CFAP20DC: variants seen among roughly 807,000 people sequenced by gnomAD.
CFAP20DC encodes the protein protein CFAP20DC.
A neutral mutation model predicts 101.7 loss-of-function variants in CFAP20DC; 84 were observed. The observed-to-expected ratio is 0.83, with a 90% confidence interval of 0.69 to 0.99. The LOEUF is 0.99. CFAP20DC is among the 50% of genes least tolerant of loss of function. The pLI is 0.00. For missense variants in CFAP20DC, 1,007 were observed against 970.3 expected (o/e 1.04, Z -0.50); for synonymous variants, 359 against 351.2 (o/e 1.02, Z -0.25).
intron 4 of CFAP20DC, among the ~76,000 whole-genome samples, chr3:59,019,599 T>C (rs1436296860): frequency 2.0e-5 from 3 of 152,066 alleles, no homozygotes; most frequent in Non-Finnish European, 4.4e-5. Context: ...CTGTGTTAAG[T>C]AAGCCACTGG....
At position 59,028,292 on chromosome 3, in the gene CFAP20DC, T is replaced by C. The variant is rs558304727; in HGVS notation, c.278+11265A>G. On this transcript the variant is annotated intron_variant, in intron 4 of 16. Transcript: ENST00000482387. Reference sequence around the variant, plus strand: ...TCATTTAAAAAAGTCTAAAATGAATTCATCACATTTGGGATGCAAAATGCT... The same window carrying C: ...TCATTTAAAAAAGTCTAAAATGAATCCATCACATTTGGGATGCAAAATGCT... Among the ~76,000 whole-genome samples the C allele has an allele frequency of 2.0e-5, 3 of 152,314 alleles. No homozygotes were observed. In the South Asian group the frequency reaches 6.2e-4, roughly 32 times the overall value.
At chr3:58,817,009 G>A (rs1377496675) in intron 14 of CFAP20DC, among the ~76,000 whole-genome samples, 1 of 152,150 alleles carries the variant, frequency 6.6e-6, no homozygotes, top group East Asian at 1.9e-4. Flanking sequence ...CTAACTGGGA[G>A]GCACCCCCCA....
chr3:58,769,191 G>A (rs922237913), intron 15 of CFAP20DC, among the ~76,000 whole-genome samples: 1 of 152,174 alleles, frequency 6.6e-6, no homozygotes, highest in African/African-American at 2.4e-5. Flanking sequence ...ATGGGGAAGA[G>A]TGCCCCTGAC....
intron 14 of CFAP20DC, among the ~76,000 whole-genome samples, chr3:58,816,341 G>C (rs971958076): frequency 6.6e-6 from 1 of 152,166 alleles, no homozygotes; most frequent in Non-Finnish European, 1.5e-5. Context: ...AGTGAGCGAC[G>C]CAGAAGACGG....
intron 13 of CFAP20DC, among the ~76,000 whole-genome samples, chr3:58,841,830 G>C (rs2077135378): frequency 6.6e-6 from 1 of 152,140 alleles, no homozygotes; most frequent in Non-Finnish European, 1.5e-5. Context: ...TCTTCAATAA[G>C]CTCAAACTTT....
chr3:58,999,843 TAAAAAAAA>T, intron 4 of CFAP20DC, among the ~76,000 whole-genome samples: 1 of 76,794 alleles, frequency 1.3e-5, no homozygotes, highest in Admixed American at 1.6e-4. Context: ...GTCACTAATG[TAAAAAAAA>T]AAAAAAAAAA....
intron 4 of CFAP20DC, among the ~76,000 whole-genome samples, chr3:58,962,512 C>A (rs528471252): frequency 2.8e-4 from 42 of 152,180 alleles, no homozygotes; most frequent in Non-Finnish European, 5.1e-4. Flanking sequence ...CACAAATTCT[C>A]TGTTCAGTAT....
chr3:58,953,682 A>T (rs909871601), intron 4 of CFAP20DC: 1 of 152,218 alleles, frequency 6.6e-6, no homozygotes, highest in African/African-American at 2.4e-5. Flanking sequence ...ATATAAATGC[A>T]TATGTGTGAC....
chr3:58,862,629 C>T, intron 12 of CFAP20DC: 1 of 985,388 alleles, frequency 1.0e-6, no homozygotes, highest in Non-Finnish European at 1.2e-6. Flanking sequence ...GTGCTATGGA[C>T]TTAATCTGTG....
chr3:58,866,647 T>A lies in CFAP20DC; in HGVS notation c.1177A>T (p.Thr393Ser), dbSNP rs2079719308. The part of the protein sequence containing the change: ...GNNRIEDKAS[T>S]ILTTVSQQGA... ...TGTTGGGACACAGTGGTGAGGATAG[T>A]TGATGCTTTATCTTCAATCCTATTA... The change falls in exon 11 of 17, where the codon ACT becomes TCT. Residue 393 changes from threonine (T) to serine (S), a missense_variant. Thr to Ser is a moderately conservative substitution (Grantham distance 58). Transcript: ENST00000482387. 1 of 1,599,328 alleles carries A rather than the reference T, an allele frequency of 6.3e-7. No individual in the cohort carries two copies. The highest frequency in any genetic ancestry group is 8.6e-7 in the Non-Finnish European group (1 of 1,166,858).
chr3:58,898,060 G>A (rs193143194), intron 6 of CFAP20DC, among the ~76,000 whole-genome samples: 5 of 152,100 alleles, frequency 3.3e-5, no homozygotes, highest in Non-Finnish European at 2.9e-5. Flanking sequence ...CATATTTCTT[G>A]GAGGTTTTGT....
chr3:58,892,967 T>C lies in CFAP20DC; in HGVS notation c.551-8258A>G, dbSNP rs987452206. ...GTTCAGTATGATATTGGCTGTGGGT[T>C]TGTCATATACAGTTCTTATTATTTT... On this transcript the variant is annotated intron_variant, in intron 6 of 16. Transcript: ENST00000482387. The surrounding 1 kb of genome is among the most constrained non-coding windows in gnomAD (Gnocchi z 4.0). 6.6e-6 allele frequency among the ~76,000 whole-genome samples: 1 copy of C among 152,230 alleles called. No individual in the cohort carries two copies. The highest frequency in any genetic ancestry group is 1.5e-5 in the Non-Finnish European group (1 of 68,042).
Position 58,870,248 on chromosome 3 carries a change from A to G in CFAP20DC, c.777T>C (p.His259=), listed in dbSNP as rs780677941. Residue 259 remains histidine, a synonymous_variant, in exon 8 of 17, where the codon CAT becomes CAC. Coordinates refer to ENST00000482387, the MANE Select transcript of CFAP20DC (RefSeq NM_001394063.1). ...TRNSKNQDVC[H]IAFGSKVLGP... ...CAAGAACTTTGGATCCAAATGCGATATGACAAACATCTTGATTTTTACTGT... is the reference window on the plus strand; with the variant it reads ...CAAGAACTTTGGATCCAAATGCGATGTGACAAACATCTTGATTTTTACTGT... 1 of 1,614,042 alleles carries G rather than the reference A, an allele frequency of 6.2e-7. No individual in the cohort carries two copies.
At chr3:58,862,497 C>G (rs1346807029) in intron 12 of CFAP20DC, 14 of 985,222 alleles carry the variant, frequency 1.4e-5, no homozygotes, top group African/African-American at 3.5e-5. Flanking sequence ...CACTCAGAAG[C>G]AAGAATATTG....
At chr3:59,034,261 T>C (rs116538918) in intron 4 of CFAP20DC, among the ~76,000 whole-genome samples, 1,788 of 152,254 alleles carry the variant, frequency 0.012, 34 homozygotes, top group African/African-American at 0.041. Context: ...TTAAAGATCA[T>C]TGACACTATG....
At chr3:58,890,513 C>A (rs1466139372) in intron 6 of CFAP20DC, among the ~76,000 whole-genome samples, 1 of 146,302 alleles carries the variant, frequency 6.8e-6, no homozygotes, top group African/African-American at 2.5e-5. Flanking sequence ...TAGGGGCAGC[C>A]GGGCAGAGGC....
intron 6 of CFAP20DC, among the ~76,000 whole-genome samples, chr3:58,890,499 C>T (rs2082104272): frequency 6.7e-6 from 1 of 148,616 alleles, no homozygotes; most frequent in African/African-American, 2.5e-5. Context: ...TCCTCACTTC[C>T]CAGTAGGGGC....
intron 6 of CFAP20DC, among the ~76,000 whole-genome samples, chr3:58,906,531 C>A (rs2083602090): frequency 6.6e-6 from 1 of 152,184 alleles, no homozygotes; most frequent in South Asian, 2.1e-4. Flanking sequence ...TTTCATGATG[C>A]CATGGCTTTA....
chr3:58,835,119 A>G (rs1376833964), intron 13 of CFAP20DC, among the ~76,000 whole-genome samples: 4 of 152,026 alleles, frequency 2.6e-5, no homozygotes, highest in Non-Finnish European at 4.4e-5. Flanking sequence ...TCTTTCATCC[A>G]TTCTGTAAAT....
Sources: gnomAD v4.1 joint callset for allele counts (sites outside exome capture counted in the v4.1 genomes callset) on GRCh38, gnomAD v4.1.1 for gene constraint, Gnocchi (gnomAD v3.1) non-coding constraint, MANE v1.5 for transcripts, NCBI Gene and HGNC (gene_info 2026-07-23, HGNC 2026-07-21) for gene names.